Variants in SEC31A observed in about 807,000 individuals in gnomAD.
SEC31A encodes the protein SEC31 homolog A, COPII component, also known as protein transport protein Sec31A.
Under a neutral mutation model 151.0 loss-of-function variants are expected in SEC31A, and 70 were observed. The observed-to-expected ratio is 0.46, with a 90% CI of 0.38 to 0.57. SEC31A has a LOEUF of 0.57. Ranked by LOEUF, SEC31A falls within the 20% of genes least tolerant of loss-of-function variation. The probability of loss-of-function intolerance (pLI) is 0.00; values close to 1 mark genes in which losing one functional copy is unlikely to be tolerated. For missense variants in SEC31A, 1,330 were observed against 1,471.2 expected (o/e 0.90, Z 1.57); for synonymous variants, 475 against 505.9 (o/e 0.94, Z 0.82).
chr4:82,864,183 G>A lies in SEC31A; in HGVS notation c.1434+179C>T, dbSNP rs187614817. On this transcript the variant is annotated intron_variant, in intron 11 of 26. Coordinates refer to ENST00000395310, the MANE Select transcript of SEC31A (RefSeq NM_001077207.4). ...ATATTACACTTTTCAAAGCAGAGAA[G>A]GAAAAACTCTGGACATAAGTTAGGT... 4.6e-5 allele frequency among the ~76,000 whole-genome samples: 7 copies of A among 152,018 alleles called. No individual in the cohort carries two copies. In the East Asian group the frequency reaches 1.3e-3, roughly 29 times the overall value.
intron 8 of SEC31A, 78 bp from the exon 9 acceptor site, chr4:82,867,394 G>A: frequency 1.6e-6 from 2 of 1,212,462 alleles, no homozygotes; most frequent in African/African-American, 1.5e-5. Context: ...GAATTAATGT[G>A]GTCAACAAGT....
rs749330974 is a variant in SEC31A, at chr4:82,842,278, G to A, written c.2830C>T (p.Pro944Ser). The change falls in exon 22 of 27, where the codon CCT becomes TCT. Residue 944 changes from proline to serine, a missense_variant. By Grantham distance (74) the Pro-to-Ser change is moderately conservative. Transcript: ENST00000395310. ...GATGCTCCAGAGGAAGGGGGAGGAG[G>A]GAAAGAAGTAGCAGGGCTGGAGGTA... ...SPTSSPATSFPPPPSSGASFQ... is the reference protein window; with the variant it reads ...SPTSSPATSFSPPPSSGASFQ... The A allele has an allele frequency of 9.3e-6, 15 of 1,613,838 alleles. No individual in the cohort carries two copies. The African/African-American group carries it at 1.9e-4, about 20-fold the overall frequency.
intron 10 of SEC31A, 28 bp downstream of exon 10, chr4:82,866,780 A>G (rs1464142531): frequency 3.8e-6 from 6 of 1,590,784 alleles, no homozygotes; most frequent in South Asian, 2.3e-5. Flanking sequence ...CTTTGTGCCT[A>G]TGGACCATAA....
At chr4:82,879,036 A>T in intron 3 of SEC31A, 108 bp from the exon 4 acceptor site, 1 of 769,148 alleles carries the variant, frequency 1.3e-6, no homozygotes, top group Non-Finnish European at 2.1e-6. Context: ...CAATCCAAAT[A>T]TATTACTTTC....
chr4:82,861,627 G>C lies in SEC31A; in HGVS notation c.1626+4C>G. The C allele has an allele frequency of 6.3e-7, 1 of 1,587,216 alleles. No individual in the cohort carries two copies. The highest frequency in any genetic ancestry group is 8.6e-7 in the Non-Finnish European group (1 of 1,160,224). ...CCAATATAATATGAAAAAAAAATAA[G>C]TACCTCTCCCAAGAGCTGCTCTTCA... On this transcript the variant is annotated splice_donor_region_variant and intron_variant, in intron 14 of 26. Coordinates refer to ENST00000395310, the MANE Select transcript of SEC31A (RefSeq NM_001077207.4).
chr4:82,859,397 T>C (rs183196969), intron 14 of SEC31A, among the ~76,000 whole-genome samples: 2 of 152,298 alleles, frequency 1.3e-5, no homozygotes, highest in South Asian at 2.1e-4. Context: ...TTCTCTCCCA[T>C]GCATAAAAAT....
At chr4:82,886,368 T>C (rs1740712042) in intron 1 of SEC31A, among the ~76,000 whole-genome samples, 1 of 152,220 alleles carries the variant, frequency 6.6e-6, no homozygotes, top group African/African-American at 2.4e-5. Context: ...CCCCAGTTTC[T>C]ACATTCGTAA....
intron 1 of SEC31A, 104 bp downstream of exon 1, chr4:82,890,984 G>C (rs2125991775): frequency 1.3e-6 from 2 of 1,502,662 alleles, no homozygotes; most frequent in South Asian, 1.2e-5. Flanking sequence ...CCTCAGGCTG[G>C]TGCGGGGCAG....
At chr4:82,880,661 C>A in intron 3 of SEC31A, 138 bp downstream of exon 3, 1 of 708,654 alleles carries the variant, frequency 1.4e-6, no homozygotes, top group South Asian at 2.7e-5. Context: ...AATTCACTCA[C>A]ATGCTTTTTC....
chr4:82,845,428 G>T, intron 20 of SEC31A: 1 of 456,124 alleles, frequency 2.2e-6, no homozygotes, highest in Non-Finnish European at 3.8e-6. Flanking sequence ...ACATTAGTCA[G>T]GCAACTGCTT....
chr4:82,885,385 T>C (rs1039158150), intron 1 of SEC31A, among the ~76,000 whole-genome samples: 11 of 152,188 alleles, frequency 7.2e-5, no homozygotes, highest in African/African-American at 2.7e-4. Context: ...TTTCTGATAA[T>C]TAGGATGATG....
chr4:82,876,509 A>G (rs1428733841), intron 4 of SEC31A, among the ~76,000 whole-genome samples: 3 of 152,352 alleles, frequency 2.0e-5, no homozygotes, highest in South Asian at 2.1e-4. Flanking sequence ...AAGGTCATCA[A>G]TTATTGCTTT....
chr4:82,888,572 C>A (rs1258718962), intron 1 of SEC31A, among the ~76,000 whole-genome samples: 3 of 151,770 alleles, frequency 2.0e-5, no homozygotes, highest in Non-Finnish European at 2.9e-5. Context: ...GCCAGTAGTC[C>A]CCGCTACTCG....
Position 82,842,452 on chromosome 4 carries a change from C to T in SEC31A, c.2656G>A (p.Gly886Arg), listed in dbSNP as rs566160358. The change falls in exon 22 of 27, where the codon GGA (glycine) becomes AGA (arginine). Residue 886 changes from glycine (G) to arginine (R), a missense_variant. Physicochemically the swap from Gly to Arg is moderately radical, Grantham distance 125. Coordinates refer to ENST00000395310, the MANE Select transcript of SEC31A (RefSeq NM_001077207.4). ...PYQPAQPYPF[G>R]TGGSAMYRPQ... ...CGATACATTGCTGACCCCCCTGTTCCGAAGGGATACGGCTGGGCTGGTTGA... is the reference window on the plus strand; with the variant it reads ...CGATACATTGCTGACCCCCCTGTTCTGAAGGGATACGGCTGGGCTGGTTGA... 2.2e-4 allele frequency: 353 copies of T among 1,613,062 alleles called. No individual in the cohort carries two copies. Among genetic ancestry groups the T allele is most frequent in the Non-Finnish European group, 2.9e-4 (345 of 1,179,612 alleles).
intron 22 of SEC31A, among the ~76,000 whole-genome samples, chr4:82,837,199 A>ATGT (rs56888042): frequency 1.2e-5 from 1 of 83,132 alleles, no homozygotes; most frequent in Non-Finnish European, 2.4e-5. Flanking sequence ...ATATATATAT[A>ATGT]ATTTCACCAC....
intron 21 of SEC31A, chr4:82,842,780 T>G (rs1472306094): frequency 3.6e-6 from 1 of 277,620 alleles, no homozygotes; most frequent in Non-Finnish European, 6.8e-6. Context: ...TTCCTGATCC[T>G]GTGAAGAGAC....
At chr4:82,861,887 T>A (rs1322961115) in intron 13 of SEC31A, 179 bp from the exon 14 acceptor site, 2 of 351,194 alleles carry the variant, frequency 5.7e-6, no homozygotes, top group African/African-American at 4.3e-5. Flanking sequence ...GAACTATTAC[T>A]GCTAACACTT....
Position 82,891,079 on chromosome 4 carries a change from C to A in SEC31A, c.-5+9G>T, listed in dbSNP as rs542140348. Reference sequence around the variant, plus strand: ...GGCGAAGAGGACAAAAAGCAACGGGCGGACGCACCTGGCGAGGACCTTCGG... The same window carrying A: ...GGCGAAGAGGACAAAAAGCAACGGGAGGACGCACCTGGCGAGGACCTTCGG... On this transcript the variant is annotated intron_variant, in intron 1 of 26. Coordinates refer to ENST00000395310, the MANE Select transcript of SEC31A (RefSeq NM_001077207.4). The A allele has an allele frequency of 1.3e-6, 2 of 1,535,870 alleles. No individual in the cohort carries two copies. Among genetic ancestry groups the A allele is most frequent in the East Asian group, 2.4e-5 (1 of 40,896 alleles).
At chr4:82,874,539 C>T in intron 6 of SEC31A, 72 bp downstream of exon 6, 1 of 1,388,466 alleles carries the variant, frequency 7.2e-7, no homozygotes, top group Non-Finnish European at 9.6e-7. Context: ...TTGTTGTCAA[C>T]TCTGACAAAC....
Sources: allele counts gnomAD v4.1 joint callset (sites outside exome capture counted in the v4.1 genomes callset), GRCh38; gene constraint gnomAD v4.1.1; transcripts MANE v1.5; gene names NCBI Gene and HGNC (gene_info 2026-07-23, HGNC 2026-07-21).